UNC80: variants seen among roughly 807,000 people sequenced by gnomAD.
UNC80 encodes unc-80 subunit of NALCN channel complex.
UNC80 carries 164 observed loss-of-function variants against 384.6 expected under a neutral mutation model. The observed-to-expected ratio is 0.43, with a 90% confidence interval of 0.38 to 0.49. The LOEUF (loss-of-function observed/expected upper bound fraction) is 0.49. Among genes scored for constraint, UNC80 ranks in the 20% least tolerant of loss-of-function variants. UNC80 has a pLI of 0.00. For synonymous variants in UNC80, 1,486 were observed against 1,527.8 expected, an observed-to-expected ratio of 0.97 and a Z score of 0.64; for missense variants, 3,330 against 4,143.0, an observed-to-expected ratio of 0.80 and a Z score of 5.39.
intron 39 of UNC80, 124 bp downstream of exon 39, chr2:209,934,129 G>C: frequency 2.2e-6 from 2 of 915,482 alleles, no homozygotes; most frequent in Non-Finnish European, 3.1e-6. Flanking sequence ...AGTATTGAGT[G>C]CTTCAAAGAA....
chr2:209,818,429 G>A (rs988285177), intron 11 of UNC80, among the ~76,000 whole-genome samples: 5 of 152,022 alleles, frequency 3.3e-5, no homozygotes, highest in Non-Finnish European at 5.9e-5. Flanking sequence ...ATCCAAGACA[G>A]GTTCTCATTC....
chr2:209,904,188 A>G (rs1335386145), intron 28 of UNC80, among the ~76,000 whole-genome samples: 2 of 152,244 alleles, frequency 1.3e-5, no homozygotes, highest in Non-Finnish European at 2.9e-5. Flanking sequence ...GAGAAGAGCT[A>G]GGATGTTCTA....
Position 209,809,091 on chromosome 2 carries a change from C to T in UNC80, c.939-4489C>T, listed in dbSNP as rs1284316024. On this transcript the variant is annotated intron_variant, in intron 7 of 64. Coordinates refer to ENST00000673920, the MANE Select transcript of UNC80 (RefSeq NM_001371986.1). ...AGGACAGCGGGAAAGGCTCCCAGTCCCCCAGCCCACGTTCACAGCCTTCTT... is the reference window on the plus strand; with the variant it reads ...AGGACAGCGGGAAAGGCTCCCAGTCTCCCAGCCCACGTTCACAGCCTTCTT... 1.8e-5 allele frequency: 9 copies of T among 511,318 alleles called. No homozygotes were observed. In the East Asian group the frequency reaches 3.2e-4, roughly 18 times the overall value. 31.7% of individuals were successfully genotyped at this position (511,318 alleles called of 1,614,324 possible). A position where few individuals can be genotyped will look rare whatever the true frequency, so the allele number is the denominator to read the frequency against.
intron 18 of UNC80, 76 bp downstream of exon 18, chr2:209,835,086 G>A: frequency 8.3e-7 from 1 of 1,204,292 alleles, no homozygotes; most frequent in South Asian, 1.3e-5. Flanking sequence ...TTTCCAAACT[G>A]CTATTTGTTT....
At chr2:209,980,323 A>G (rs1046686994) in intron 59 of UNC80, among the ~76,000 whole-genome samples, 1 of 152,202 alleles carries the variant, frequency 6.6e-6, no homozygotes, top group African/African-American at 2.4e-5. Flanking sequence ...TTTGCAGGTA[A>G]CCTTATAAAT....
In UNC80 at chr2:209,922,382, A is replaced by C. The variant is rs759923480; in HGVS notation, c.5661A>C (p.Glu1887Asp). 6.4e-7 allele frequency: 1 copy of C among 1,551,318 alleles called. No individual in the cohort carries two copies. Among genetic ancestry groups the C allele is most frequent in the Non-Finnish European group, 8.7e-7 (1 of 1,146,788 alleles). ...CAGTGCGTTCAGCCGTCAGTGCTGA[A>C]GGTGTGTCCTCTTGCATACGTTTTA... The part of the protein sequence containing the change: ...VWSVRSAVSA[E>D]DEEHTTEHTP... Residue 1887 changes from glutamate (E) to aspartate (D), a missense_variant and splice_region_variant, in exon 35 of 65, where the codon GAA (glutamate) becomes GAC (aspartate). Transcript: ENST00000673920.
intron 5 of UNC80, among the ~76,000 whole-genome samples, chr2:209,787,729 C>T (rs149095132): frequency 2.0e-5 from 3 of 152,076 alleles, no homozygotes; most frequent in Admixed American, 6.6e-5. Context: ...CAATTATATA[C>T]GCACATAATA....
intron 59 of UNC80, among the ~76,000 whole-genome samples, chr2:209,979,051 C>G (rs2093087733): frequency 6.6e-6 from 1 of 152,136 alleles, no homozygotes; most frequent in Non-Finnish European, 1.5e-5. Context: ...GAGTTCAAGA[C>G]CAGCCTGGCC....
intron 7 of UNC80, among the ~76,000 whole-genome samples, chr2:209,810,017 C>A (rs1011920287): frequency 6.6e-6 from 1 of 152,202 alleles, no homozygotes; most frequent in African/African-American, 2.4e-5. Context: ...GGCCACCCTC[C>A]GCGAGGTTTG....
intron 59 of UNC80, among the ~76,000 whole-genome samples, chr2:209,980,547 A>C (rs2093132439): frequency 6.6e-6 from 1 of 152,208 alleles, no homozygotes; most frequent in South Asian, 2.1e-4. Flanking sequence ...TGTGTTTGTG[A>C]TATGGGTGTG....
In UNC80 at chr2:209,998,983, A is replaced by C. The variant is rs2093521048; in HGVS notation, c.*3388A>C. 1 of 152,232 alleles carries C rather than the reference A, an allele frequency of 6.6e-6. No individual in the cohort carries two copies. The highest frequency in any genetic ancestry group is 2.1e-4 in the South Asian group (1 of 4,838). 9.4% of individuals were successfully genotyped at this position (152,232 alleles called of 1,614,324 possible). A position where few individuals can be genotyped will look rare whatever the true frequency, so the allele number is the denominator to read the frequency against. ...GAATGTATTTGGAAAAGCTTAAGAC[A>C]AATTTACTGATATTATTTTATGATC... On this transcript the variant is annotated 3_prime_UTR_variant, in exon 65 of 65. Transcript: ENST00000673920.
At chr2:209,883,622 A>G (rs1341930558) in intron 25 of UNC80, among the ~76,000 whole-genome samples, 1 of 151,514 alleles carries the variant, frequency 6.6e-6, no homozygotes, top group Non-Finnish European at 1.5e-5. Flanking sequence ...TTTAGTAGAG[A>G]TGGGGTTTCA....
chr2:209,773,008 C>T, intron 1 of UNC80, 86 bp from the exon 2 acceptor site: 1 of 1,095,732 alleles, frequency 9.1e-7, no homozygotes, highest in Non-Finnish European at 1.4e-6. Flanking sequence ...AGCATCCTGT[C>T]TTATTCATTG....
intron 22 of UNC80, among the ~76,000 whole-genome samples, chr2:209,857,868 A>C (rs530065836): frequency 4.6e-5 from 7 of 152,256 alleles, no homozygotes; most frequent in African/African-American, 1.7e-4. Flanking sequence ...GTTAGAAATC[A>C]ATTTGTGTTG....
chr2:209,844,973 C>T (rs1178643533), intron 21 of UNC80: 1 of 151,648 alleles, frequency 6.6e-6, no homozygotes, highest in African/African-American at 2.4e-5. Context: ...AAAAATTTGT[C>T]TTGAAGCTCT....
At chr2:209,777,215 C>A in intron 3 of UNC80, 43 bp from the exon 4 acceptor site, 2 of 1,532,598 alleles carry the variant, frequency 1.3e-6, no homozygotes, top group South Asian at 1.3e-5. Context: ...TTGCCCTGGT[C>A]ACAGAGTTTT....
Position 209,984,898 on chromosome 2 carries a change from G to A in UNC80, c.9300G>A (p.Glu3100=), listed in dbSNP as rs1163558530. The change falls in exon 61 of 65, where the codon GAG becomes GAA. Residue 3100 remains glutamate, a synonymous_variant. Transcript: ENST00000673920. ...ATGACTCCCAGGGCCTGGCCGCCGAGGGCAGCCTCTCTAGGTACAGTGTCA... is the reference window on the plus strand; with the variant it reads ...ATGACTCCCAGGGCCTGGCCGCCGAAGGCAGCCTCTCTAGGTACAGTGTCA... ...VLDDSQGLAA[E]GSLSRVASIQ... is the part of the protein sequence containing the mutation. 1 of 1,550,612 alleles carries A rather than the reference G, an allele frequency of 6.4e-7. No individual in the cohort carries two copies. Among genetic ancestry groups the A allele is most frequent in the African/African-American group, 1.4e-5 (1 of 72,878 alleles).
In UNC80 at chr2:209,786,149, C is replaced by T. The variant is rs1288145389; in HGVS notation, c.684C>T (p.Gly228=). ...AACACAGACAGCCCGGAGTCTCTGG[C>T]TTTACCGCACTGGTGAAGCCCATCA... is the stretch of plus-strand genomic sequence containing the variant. ...MWEHRQPGVS[G]FTALVKPIRN... is the part of the protein sequence containing the mutation. The change falls in exon 5 of 65, where the codon GGC becomes GGT. Residue 228 remains glycine (G), a synonymous_variant. Coordinates refer to ENST00000673920, the MANE Select transcript of UNC80 (RefSeq NM_001371986.1). 1 of 1,614,048 alleles carries T rather than the reference C, an allele frequency of 6.2e-7. No individual in the cohort carries two copies. The highest frequency in any genetic ancestry group is 1.3e-5 in the African/African-American group (1 of 75,044).
intron 48 of UNC80, among the ~76,000 whole-genome samples, chr2:209,955,869 A>C (rs2092395398): frequency 2.6e-5 from 4 of 151,048 alleles, no homozygotes; most frequent in East Asian, 2.0e-4. Context: ...TCAGCCTCCC[A>C]AAAAGCTGGG....
Sources: allele counts gnomAD v4.1 joint callset (sites outside exome capture counted in the v4.1 genomes callset), GRCh38; gene constraint gnomAD v4.1.1; transcripts MANE v1.5; gene names NCBI Gene and HGNC (gene_info 2026-07-23, HGNC 2026-07-21).